Variants in WDR7 observed in about 807,000 individuals in gnomAD.
WDR7 encodes the protein WD repeat domain 7.
A neutral mutation model predicts 169.4 loss-of-function variants in WDR7; 46 were observed. That is an observed-to-expected ratio of 0.27 (90% CI 0.21 to 0.35). The LOEUF is 0.35. Ranked by LOEUF, WDR7 falls within the 10% of genes least tolerant of loss-of-function variation. WDR7 has a pLI of 1.00. For synonymous variants in WDR7, 612 were observed against 666.8 expected (o/e 0.92, Z 1.27); for missense variants, 1,534 against 1,859.3 (o/e 0.83, Z 3.22).
Position 56,737,634 on chromosome 18 carries a change from G to C in WDR7, c.1989+6037G>C, listed in dbSNP as rs144718356. ...TCAGTAGCTTTGTATTCTGTGTAACGAGGCAAGAGAATGGAATTTAGAAGT... is the reference window on the plus strand; with the variant it reads ...TCAGTAGCTTTGTATTCTGTGTAACCAGGCAAGAGAATGGAATTTAGAAGT... On this transcript the variant is annotated intron_variant, in intron 14 of 27. Transcript: ENST00000254442. 6.9e-4 allele frequency among the ~76,000 whole-genome samples: 105 copies of C among 152,200 alleles called. 3 individuals are homozygous for C. The East Asian group carries it at 0.016, about 23-fold the overall frequency.
At chr18:56,913,309 C>T (rs562534965) in intron 21 of WDR7, among the ~76,000 whole-genome samples, 1 of 152,162 alleles carries the variant, frequency 6.6e-6, no homozygotes, top group African/African-American at 2.4e-5. Flanking sequence ...TGGATAACTG[C>T]CCCTTGCTTC....
chr18:56,861,945 G>A (rs918469359), intron 20 of WDR7, among the ~76,000 whole-genome samples: 1 of 151,994 alleles, frequency 6.6e-6, no homozygotes, highest in Admixed American at 6.6e-5. Flanking sequence ...AAATTTCAGT[G>A]ATTCTTGTAC....
At position 56,781,545 on chromosome 18, in the gene WDR7, G is replaced by A. The variant is rs368677095; in HGVS notation, c.3079G>A (p.Ala1027Thr). The change falls in exon 19 of 28, where the codon GCG (alanine) becomes ACG (threonine). Residue 1027 changes from alanine (A) to threonine (T), a missense_variant. By Grantham distance (58) the Ala-to-Thr change is moderately conservative (BLOSUM62 0). Coordinates refer to ENST00000254442, the MANE Select transcript of WDR7 (RefSeq NM_015285.3). ...QDRCLEVREA[A>T]QALLLAELRR... ...TCTGTGGTCTTAGGTGAGAGAAGCC[G>A]CGCAGGCCCTGCTTCTGGCGGAACT... is the stretch of plus-strand genomic sequence containing the variant. The A allele has an allele frequency of 1.0e-5, 16 of 1,607,560 alleles. No homozygotes were observed. Among genetic ancestry groups the A allele is most frequent in the South Asian group, 3.3e-5 (3 of 90,194 alleles).
intron 5 of WDR7, among the ~76,000 whole-genome samples, chr18:56,684,463 G>A (rs892243445): frequency 1.3e-5 from 2 of 152,214 alleles, no homozygotes; most frequent in Non-Finnish European, 2.9e-5. Context: ...GAGCCTGGCT[G>A]TGTTGCGATA....
At chr18:56,812,050 G>T (rs944261373) in intron 19 of WDR7, among the ~76,000 whole-genome samples, 2 of 152,130 alleles carry the variant, frequency 1.3e-5, no homozygotes, top group Non-Finnish European at 2.9e-5. Context: ...CAGTCAATTT[G>T]TGGAGATTTG....
At chr18:56,780,887 A>G (rs1452740934) in intron 18 of WDR7, among the ~76,000 whole-genome samples, 1 of 152,232 alleles carries the variant, frequency 6.6e-6, no homozygotes, top group Non-Finnish European at 1.5e-5. Flanking sequence ...AAATAACACT[A>G]AATTAAAACT....
chr18:56,760,782 G>A (rs1378617809), intron 16 of WDR7, among the ~76,000 whole-genome samples: 1 of 152,060 alleles, frequency 6.6e-6, no homozygotes, highest in Non-Finnish European at 1.5e-5. Flanking sequence ...TCATCACAAT[G>A]GCTAAAGTGA....
chr18:56,683,032 A>G (rs2025380137), intron 5 of WDR7, among the ~76,000 whole-genome samples, 179 bp downstream of exon 5: 1 of 152,210 alleles, frequency 6.6e-6, no homozygotes, highest in South Asian at 2.1e-4. Flanking sequence ...GATTGAATGA[A>G]GACTTAATTG....
chr18:56,863,537 A>T (rs371926435), intron 20 of WDR7, among the ~76,000 whole-genome samples: 1 of 151,692 alleles, frequency 6.6e-6, no homozygotes, highest in South Asian at 2.1e-4. Context: ...ATTATTATAG[A>T]TTATATATTT....
rs113109461 is a variant in WDR7, at chr18:56,757,197, G to T, written c.2604G>T (p.Lys868Asn). 1.1e-5 allele frequency: 18 copies of T among 1,611,908 alleles called. No individual in the cohort carries two copies. The African/African-American group carries it at 2.1e-4, about 19-fold the overall frequency. ...ATGGGAAAACAGAAGTAGGAAGGAA[G>T]CTGCCAGCGTCTGAGGGAGTAGGAA... ...LSHGKTEVGRKLPASEGVGKG... is the reference protein window; with the variant it reads ...LSHGKTEVGRNLPASEGVGKG... The change falls in exon 15 of 28, where the codon AAG becomes AAT. Residue 868 changes from lysine (K) to asparagine (N), a missense_variant. Physicochemically the swap from Lys to Asn is moderately conservative, Grantham distance 94. Coordinates refer to ENST00000254442, the MANE Select transcript of WDR7 (RefSeq NM_015285.3).
chr18:57,027,365 G>A lies in WDR7; in HGVS notation c.*158G>A. The A allele has an allele frequency of 1.2e-6, 1 of 868,750 alleles. No individual in the cohort carries two copies. The allele number at this position is 868,750 out of a possible 1,614,324, so 53.8% of individuals were successfully genotyped here. ...CTTGTCACTTGTGCATGCTTCTCAG[G>A]GGCAGAACCCGCTCGTGCCATCTGT... On this transcript the variant is annotated 3_prime_UTR_variant, in exon 28 of 28. Coordinates refer to ENST00000254442, the MANE Select transcript of WDR7 (RefSeq NM_015285.3).
At chr18:56,727,442 A>G (rs1300328392) in intron 13 of WDR7, among the ~76,000 whole-genome samples, 1 of 152,198 alleles carries the variant, frequency 6.6e-6, no homozygotes, top group East Asian at 1.9e-4. Context: ...AAGAGGTTTA[A>G]CTGACTCACA....
chr18:56,705,491 A>G (rs2025928704), intron 12 of WDR7, among the ~76,000 whole-genome samples: 1 of 152,140 alleles, frequency 6.6e-6, no homozygotes, highest in African/African-American at 2.4e-5. Context: ...ATTTGAATAT[A>G]TTAGTTTTGT....
Position 56,757,220 on chromosome 18 carries a change from G to C in WDR7, c.2627G>C (p.Gly876Ala). 6.2e-7 allele frequency: 1 copy of C among 1,614,074 alleles called. No homozygotes were observed. The highest frequency in any genetic ancestry group is 8.5e-7 in the Non-Finnish European group (1 of 1,180,012). ...AAGCTGCCAGCGTCTGAGGGAGTAG[G>C]AAAGGGAACTTACGGAGTGTCCCGT... ...GRKLPASEGV[G>A]KGTYGVSRAV... The change falls in exon 15 of 28, where the codon GGA becomes GCA. Residue 876 changes from glycine (G) to alanine (A), a missense_variant. By Grantham distance (60) the Gly-to-Ala change is moderately conservative. Coordinates refer to ENST00000254442, the MANE Select transcript of WDR7 (RefSeq NM_015285.3).
At chr18:56,950,162 T>TTTTTCTCC (rs2047161109) in intron 25 of WDR7, among the ~76,000 whole-genome samples, 1 of 152,222 alleles carries the variant, frequency 6.6e-6, no homozygotes, top group Non-Finnish European at 1.5e-5. Flanking sequence ...GAGATTTCAG[T>TTTTTCTCC]ATACAGAAGT....
At chr18:56,851,256 C>T (rs560765992) in intron 20 of WDR7, among the ~76,000 whole-genome samples, 4 of 152,128 alleles carry the variant, frequency 2.6e-5, no homozygotes, top group Non-Finnish European at 5.9e-5. Context: ...GTGGTTAGTT[C>T]TCCAAACATG....
intron 8 of WDR7, 28 bp from the exon 9 acceptor site, chr18:56,691,687 T>C (rs770986403): frequency 1.3e-6 from 2 of 1,563,286 alleles, no homozygotes; most frequent in East Asian, 2.3e-5. Flanking sequence ...AGTATTTTAA[T>C]TGAATATTGT....
chr18:56,840,690 G>T (rs2045471158), intron 20 of WDR7, among the ~76,000 whole-genome samples: 1 of 151,734 alleles, frequency 6.6e-6, no homozygotes. Flanking sequence ...GTAGTGGCGT[G>T]TGCTGGTAGT....
At chr18:56,759,008 G>T in intron 16 of WDR7, 55 bp downstream of exon 16, 1 of 1,417,890 alleles carries the variant, frequency 7.1e-7, no homozygotes. Context: ...TAGAAACTGA[G>T]GAGGCATAGC....
Sources: gnomAD v4.1 joint callset for allele counts (sites outside exome capture counted in the v4.1 genomes callset) on GRCh38, gnomAD v4.1.1 for gene constraint, MANE v1.5 for transcripts, NCBI Gene and HGNC (gene_info 2026-07-23, HGNC 2026-07-21) for gene names.